MDGA2: variants seen among roughly 807,000 people sequenced by gnomAD.
The protein encoded by MDGA2 is MAM domain containing glycosylphosphatidylinositol anchor 2.
MDGA2 carries 40 observed loss-of-function variants against 117.8 expected under a neutral mutation model. The ratio of observed to expected loss-of-function variants is 0.34; its 90% confidence interval spans 0.26 to 0.44. The LOEUF is 0.44. MDGA2 is among the 20% of genes least tolerant of loss of function. The pLI is 1.00. For missense variants in MDGA2, 1,123 were observed against 1,250.6 expected (o/e 0.90, Z 1.54); for synonymous variants, 452 against 439.0 (o/e 1.03, Z -0.37).
intron 1 of MDGA2, among the ~76,000 whole-genome samples, chr14:47,332,962 C>T (rs1202941526): frequency 1.3e-5 from 2 of 151,914 alleles, no homozygotes; most frequent in Non-Finnish European, 2.9e-5. Context: ...ATCCATGTTG[C>T]TGCAAAAGAC....
chr14:47,185,031 T>A (rs1460678828), intron 3 of MDGA2, among the ~76,000 whole-genome samples: 1 of 151,254 alleles, frequency 6.6e-6, no homozygotes, highest in African/African-American at 2.4e-5. Context: ...TAGAACTATG[T>A]CAAATATGTT....
At chr14:46,981,671 C>T (rs552699912) in intron 8 of MDGA2, among the ~76,000 whole-genome samples, 9 of 152,224 alleles carry the variant, frequency 5.9e-5, no homozygotes, top group Non-Finnish European at 8.8e-5. Flanking sequence ...ACAAGAAGAG[C>T]GCATCACTGT....
intron 6 of MDGA2, among the ~76,000 whole-genome samples, chr14:47,065,582 G>A (rs191507106): frequency 1.3e-5 from 2 of 152,308 alleles, no homozygotes; most frequent in African/African-American, 4.8e-5. Flanking sequence ...TATCTTGATT[G>A]TAGTTTTAGA....
intron 1 of MDGA2, among the ~76,000 whole-genome samples, chr14:47,642,496 T>G (rs968692716): frequency 6.6e-6 from 1 of 152,142 alleles, no homozygotes; most frequent in African/African-American, 2.4e-5. Context: ...AGATTATCTA[T>G]CAGATACATT....
chr14:47,326,351 C>T (rs1013127180), intron 1 of MDGA2, among the ~76,000 whole-genome samples: 1 of 152,090 alleles, frequency 6.6e-6, no homozygotes, highest in South Asian at 2.1e-4. Context: ...GAGATAGGTA[C>T]TATTCTCCTG....
intron 1 of MDGA2, among the ~76,000 whole-genome samples, chr14:47,580,591 A>AG (rs1896212180): frequency 6.6e-6 from 1 of 152,022 alleles, no homozygotes; most frequent in South Asian, 2.1e-4. Flanking sequence ...AGAAATTTAA[A>AG]GGGGAAATAT....
chr14:46,956,733 A>G (rs1885576697), intron 9 of MDGA2, among the ~76,000 whole-genome samples: 1 of 152,100 alleles, frequency 6.6e-6, no homozygotes, highest in South Asian at 2.1e-4. Context: ...ACTCAAAATA[A>G]CTGATATGGT....
In MDGA2 at chr14:46,957,533, C is replaced by G; in HGVS notation, c.1930G>C (p.Glu644Gln). ...RAYPIRVLTY[E>Q]WRLGNKLLRT... Reference sequence around the variant, plus strand: ...AATAATTTATTGCCCAAGCGCCACTCATAGGTCAGCACCCGTATTGGATAG... The same window carrying G: ...AATAATTTATTGCCCAAGCGCCACTGATAGGTCAGCACCCGTATTGGATAG... The change falls in exon 9 of 17, where the codon GAG (glutamate) becomes CAG (glutamine). Residue 644 changes from glutamate (E) to glutamine (Q), a missense_variant. Physicochemically the swap from Glu to Gln is conservative, Grantham distance 29. Coordinates refer to ENST00000399232, the MANE Select transcript of MDGA2 (RefSeq NM_001113498.3). 1 of 1,614,128 alleles carries G rather than the reference C, an allele frequency of 6.2e-7. No individual in the cohort carries two copies.
chr14:47,401,375 G>A (rs1222084439), intron 1 of MDGA2, among the ~76,000 whole-genome samples: 1 of 152,020 alleles, frequency 6.6e-6, no homozygotes, highest in South Asian at 2.1e-4. Context: ...TTAAGATTCC[G>A]AGCTATTACA....
intron 10 of MDGA2, among the ~76,000 whole-genome samples, chr14:46,918,700 T>A (rs947487182): frequency 2.6e-5 from 4 of 150,996 alleles, no homozygotes; most frequent in Admixed American, 6.6e-5. Context: ...TAGGAAAAGC[T>A]CTTTCACTTT....
chr14:47,071,336 C>A (rs1161530861), intron 6 of MDGA2, among the ~76,000 whole-genome samples: 1 of 151,952 alleles, frequency 6.6e-6, no homozygotes, highest in African/African-American at 2.4e-5. Flanking sequence ...GATAATAAAC[C>A]ACAAAACAAA....
intron 2 of MDGA2, among the ~76,000 whole-genome samples, chr14:47,267,607 T>C (rs1888009749): frequency 6.6e-6 from 1 of 152,176 alleles, no homozygotes; most frequent in Admixed American, 6.5e-5. Context: ...TTTAAGTGTA[T>C]GCATATCTGA....
At chr14:47,155,025 C>G (rs1883311805) in intron 3 of MDGA2, among the ~76,000 whole-genome samples, 2 of 152,164 alleles carry the variant, frequency 1.3e-5, no homozygotes, top group African/African-American at 2.4e-5. Context: ...CAGACTGGGA[C>G]AGACAACAGG....
At chr14:47,000,656 C>A (rs1887499271) in intron 8 of MDGA2, among the ~76,000 whole-genome samples, 1 of 150,856 alleles carries the variant, frequency 6.6e-6, no homozygotes, top group Non-Finnish European at 1.5e-5. Flanking sequence ...CTTTGTAATC[C>A]ATAAGTTCAA....
At chr14:47,647,626 T>C (rs1279013201) in intron 1 of MDGA2, among the ~76,000 whole-genome samples, 1 of 152,184 alleles carries the variant, frequency 6.6e-6, no homozygotes, top group Admixed American at 6.5e-5. Flanking sequence ...ATGTTGATAC[T>C]TAACTTATTC....
At chr14:46,972,682 C>T (rs1490019435) in intron 8 of MDGA2, among the ~76,000 whole-genome samples, 1 of 152,038 alleles carries the variant, frequency 6.6e-6, no homozygotes, top group Non-Finnish European at 1.5e-5. Context: ...TACAAACTAA[C>T]ATAGAAAAAA....
At chr14:47,364,617 A>G (rs1238836487) in intron 1 of MDGA2, among the ~76,000 whole-genome samples, 1 of 152,234 alleles carries the variant, frequency 6.6e-6, no homozygotes, top group Non-Finnish European at 1.5e-5. Flanking sequence ...ATAACCAAAT[A>G]AGCACCAAAT....
At chr14:47,167,808 A>C (rs1031129924) in intron 3 of MDGA2, among the ~76,000 whole-genome samples, 2 of 152,180 alleles carry the variant, frequency 1.3e-5, no homozygotes, top group Admixed American at 6.5e-5. Flanking sequence ...CAATTATTTC[A>C]TTTATAGTCT....
At chr14:47,018,754 A>G (rs1888175828) in intron 8 of MDGA2, among the ~76,000 whole-genome samples, 1 of 138,488 alleles carries the variant, frequency 7.2e-6, no homozygotes, top group South Asian at 2.5e-4. Flanking sequence ...AAAAAAAAAA[A>G]AAAAAAAAGT....
Sources: allele counts gnomAD v4.1 joint callset (sites outside exome capture counted in the v4.1 genomes callset), GRCh38; gene constraint gnomAD v4.1.1; transcripts MANE v1.5; gene names NCBI Gene and HGNC (gene_info 2026-07-23, HGNC 2026-07-21).